UBOX5: variants seen among roughly 807,000 people sequenced by gnomAD.
The protein encoded by UBOX5 is U-box domain containing 5, also known as RING finger protein 37.
Under a neutral mutation model 39.0 loss-of-function variants are expected in UBOX5, and 28 were observed. The ratio of observed to expected loss-of-function variants is 0.72; its 90% CI spans 0.53 to 0.98. The LOEUF (loss-of-function observed/expected upper bound fraction) is 0.98, where lower values mean the gene tolerates loss of function less well. UBOX5 is among the 50% of genes least tolerant of loss of function. The pLI is 0.00. For missense variants in UBOX5, 585 were observed against 674.4 expected (o/e 0.87, Z 1.47); for synonymous variants, 283 against 275.5 (o/e 1.03, Z -0.27).
chr20:3,159,816 G>A lies in UBOX5; in HGVS notation c.-92C>T, dbSNP rs981863760. 1.3e-5 allele frequency: 2 copies of A among 152,282 alleles called. No homozygotes were observed. Among genetic ancestry groups the A allele is most frequent in the African/African-American group, 2.4e-5 (1 of 41,472 alleles). 9.4% of individuals were successfully genotyped at this position (152,282 alleles called of 1,614,324 possible). A position where few individuals can be genotyped will look rare whatever the true frequency, so the allele number is the denominator to read the frequency against. ...CAACACCAAACCGGGGACGCCGCGG[G>A]CGGCGGCGACACAGATACTGGCTCC... is the stretch of plus-strand genomic sequence containing the variant. On this transcript the variant is annotated 5_prime_UTR_variant, in exon 1 of 5. Coordinates refer to ENST00000217173, the MANE Select transcript of UBOX5 (RefSeq NM_014948.4).
At position 3,122,132 on chromosome 20, in the gene UBOX5, G is replaced by T; in HGVS notation, c.507C>A (p.His169Gln). The T allele has an allele frequency of 1.9e-6, 3 of 1,614,234 alleles. No homozygotes were observed. The highest frequency in any genetic ancestry group is 2.5e-6 in the Non-Finnish European group (3 of 1,180,056). Residue 169 changes from histidine (H) to glutamine (Q), a missense_variant, in exon 3 of 5, where the codon CAC becomes CAA. Coordinates refer to ENST00000217173, the MANE Select transcript of UBOX5 (RefSeq NM_014948.4). ...LWNKGALSLS[H>Q]VAHLRICITH... is the part of the protein sequence containing the mutation. ...TGATACAGATCCTTAAGTGGGCCAC[G>T]TGGCTAAGGGAAAGAGCCCCTTTAT...
chr20:3,151,401 T>C (rs1175223223), intron 1 of UBOX5, among the ~76,000 whole-genome samples: 5 of 152,236 alleles, frequency 3.3e-5, no homozygotes, highest in Admixed American at 6.5e-5. Flanking sequence ...CTGTGGCAGA[T>C]TGTATGGCCT....
At chr20:3,147,195 T>C (rs774156371) in intron 1 of UBOX5, 1 of 1,614,180 alleles carries the variant, frequency 6.2e-7, no homozygotes, top group Non-Finnish European at 8.5e-7. Context: ...AAATCATCTG[T>C]AAGGCTGACT....
chr20:3,115,249 A>G, intron 4 of UBOX5, 56 bp downstream of exon 4: 2 of 1,550,818 alleles, frequency 1.3e-6, no homozygotes, highest in South Asian at 2.5e-5. Flanking sequence ...GCATCCAGAG[A>G]CAGAAAACAG....
chr20:3,127,826 A>G (rs1170286752), intron 1 of UBOX5, among the ~76,000 whole-genome samples: 1 of 152,156 alleles, frequency 6.6e-6, no homozygotes, highest in East Asian at 1.9e-4. Flanking sequence ...GTGGACCTAC[A>G]CACATTAGCG....
chr20:3,115,821 G>C (rs2066289941), intron 3 of UBOX5, among the ~76,000 whole-genome samples: 1 of 150,042 alleles, frequency 6.7e-6, no homozygotes, highest in African/African-American at 2.5e-5. Flanking sequence ...AGGAGTGCAG[G>C]GGTGCCATCT....
intron 1 of UBOX5, among the ~76,000 whole-genome samples, chr20:3,138,205 G>A (rs750491996): frequency 1.3e-5 from 2 of 151,756 alleles, no homozygotes; most frequent in Admixed American, 6.6e-5. Context: ...CCTGGGAGGC[G>A]GAGGTTGCAG....
At chr20:3,150,343 C>T (rs1044106639) in intron 1 of UBOX5, among the ~76,000 whole-genome samples, 3 of 152,222 alleles carry the variant, frequency 2.0e-5, no homozygotes, top group African/African-American at 7.2e-5. Flanking sequence ...GTTCAGGGAA[C>T]GCCAATTGAC....
intron 1 of UBOX5, among the ~76,000 whole-genome samples, chr20:3,157,157 T>G (rs908223339): frequency 6.6e-6 from 1 of 152,128 alleles, no homozygotes; most frequent in African/African-American, 2.4e-5. Flanking sequence ...CTGCTGAGAA[T>G]CTACAAAACT....
Position 3,121,678 on chromosome 20 carries a change from G to A in UBOX5, c.961C>T (p.His321Tyr), listed in dbSNP as rs1173976562. The change falls in exon 3 of 5, where the codon CAC becomes TAC. Residue 321 changes from histidine (H) to tyrosine (Y), a missense_variant. Physicochemically the swap from His to Tyr is moderately conservative, Grantham distance 83. Coordinates refer to ENST00000217173, the MANE Select transcript of UBOX5 (RefSeq NM_014948.4). ...TCAATCCGGGCCTTGAGGGAGGGGT[G>A]AGGCAGGGGCTGAGAGTGCGGAGTA... is the stretch of plus-strand genomic sequence containing the variant. Reference protein sequence around the residue: ...AFTPHSQPLPHPSLKARIDHF... With the variant: ...AFTPHSQPLPYPSLKARIDHF... 6.2e-7 allele frequency: 1 copy of A among 1,613,928 alleles called. No homozygotes were observed. The highest frequency in any genetic ancestry group is 8.5e-7 in the Non-Finnish European group (1 of 1,179,994).
intron 1 of UBOX5, among the ~76,000 whole-genome samples, chr20:3,124,345 C>G (rs6051586): frequency 1.6e-3 from 244 of 152,292 alleles, no homozygotes; most frequent in African/African-American, 5.7e-3. Context: ...CTCGGCCTGC[C>G]GAGTGCCTGC....
intron 1 of UBOX5, among the ~76,000 whole-genome samples, chr20:3,158,046 G>C (rs1473819832): frequency 6.6e-6 from 1 of 151,856 alleles, no homozygotes; most frequent in Non-Finnish European, 1.5e-5. Flanking sequence ...GATCTCAAAC[G>C]ATCCTCCCAC....
chr20:3,125,150 AC>A lies in UBOX5; in HGVS notation c.-41-1745del, dbSNP rs554808630. Among the ~76,000 whole-genome samples, 913 of 93,094 alleles carry A rather than the reference AC, an allele frequency of 9.8e-3. 12 individuals are homozygous for A. Among genetic ancestry groups the A allele is most frequent in the African/African-American group, 0.037 (883 of 23,706 alleles). 61.1% of individuals were successfully genotyped at this position (93,094 alleles called of 152,430 possible). A position where few individuals can be genotyped will look rare whatever the true frequency, so the allele number is the denominator to read the frequency against. On this transcript the variant is annotated intron_variant, in intron 1 of 4. Transcript: ENST00000217173. ...TGAGGAGCGCCTCTGCCTGGCAGCC[AC>A]CCCATCTGGGAAGTGAGGAGCGCCA...
At chr20:3,159,056 A>C (rs1047383658) in intron 1 of UBOX5, among the ~76,000 whole-genome samples, 1 of 152,174 alleles carries the variant, frequency 6.6e-6, no homozygotes, top group Non-Finnish European at 1.5e-5. Context: ...AACACAGCTG[A>C]TATGAGGGGA....
intron 1 of UBOX5, chr20:3,146,656 T>TA: frequency 8.4e-7 from 1 of 1,195,172 alleles, no homozygotes; most frequent in Admixed American, 2.3e-5. Flanking sequence ...TGGATACAAT[T>TA]AAGTCTCCTC....
chr20:3,147,431 T>A (rs1202491708), intron 1 of UBOX5: 3 of 1,614,098 alleles, frequency 1.9e-6, no homozygotes, highest in Non-Finnish European at 2.5e-6. Flanking sequence ...CTCTGCTAAA[T>A]ACCACAGCAA....
At chr20:3,147,385 A>T in intron 1 of UBOX5, 1 of 1,614,212 alleles carries the variant, frequency 6.2e-7, no homozygotes, top group Non-Finnish European at 8.5e-7. Flanking sequence ...GTAAAAAGAC[A>T]GTTTCTAAGA....
At chr20:3,135,429 G>A (rs77149445) in intron 1 of UBOX5, among the ~76,000 whole-genome samples, 1 of 152,186 alleles carries the variant, frequency 6.6e-6, no homozygotes, top group African/African-American at 2.4e-5. Flanking sequence ...TTCAGGAGAT[G>A]CTGAACATGC....
chr20:3,121,571 GGAA>G lies in UBOX5; in HGVS notation c.1065_1067del (p.Ser356del). The G allele has an allele frequency of 6.2e-7, 1 of 1,606,614 alleles. No homozygotes were observed. Reference sequence around the variant, plus strand: ...TCCTTTTCTGAGAGGGCAGAACAATGGAAGAAGGGATCACTGCCAATGCCGTCT... The same window carrying G: ...TCCTTTTCTGAGAGGGCAGAACAATGGAAGGGATCACTGCCAATGCCGTCT... On this transcript the variant is annotated inframe_deletion, in exon 3 of 5. Coordinates refer to ENST00000217173, the MANE Select transcript of UBOX5 (RefSeq NM_014948.4).
Sources: allele counts gnomAD v4.1 joint callset (sites outside exome capture counted in the v4.1 genomes callset), GRCh38; gene constraint gnomAD v4.1.1; transcripts MANE v1.5; gene names NCBI Gene and HGNC (gene_info 2026-07-23, HGNC 2026-07-21).